The following GABRA2 variants were observed in gnomAD, a reference collection of about 807,000 sequenced individuals.
The protein encoded by GABRA2 is gamma-aminobutyric acid type A receptor subunit alpha2.
Under a neutral mutation model 48.7 loss-of-function variants are expected in GABRA2, and 16 were observed. The observed-to-expected ratio is 0.33, with a 90% confidence interval of 0.22 to 0.50. The LOEUF is 0.50. Ranked by LOEUF, GABRA2 falls within the 20% of genes least tolerant of loss-of-function variation. The pLI is 0.98. For synonymous variants in GABRA2, 185 were observed against 184.5 expected (o/e 1.00, Z -0.02); for missense variants, 275 against 535.6 (o/e 0.51, Z 4.80).
intron 8 of GABRA2, among the ~76,000 whole-genome samples, chr4:46,294,267 C>T (rs774015693): frequency 1.3e-5 from 2 of 152,194 alleles, no homozygotes; most frequent in South Asian, 2.1e-4. Context: ...ACTGAACTTG[C>T]TTGCATGCCA....
intron 6 of GABRA2, among the ~76,000 whole-genome samples, chr4:46,308,298 A>G (rs16859292): frequency 0.014 from 2,110 of 152,316 alleles, 53 homozygotes; most frequent in African/African-American, 0.048. Flanking sequence ...GACTGAATTT[A>G]AAATTGTAAG....
chr4:46,273,276 C>G (rs1211531155), intron 8 of GABRA2, among the ~76,000 whole-genome samples: 1 of 151,126 alleles, frequency 6.6e-6, no homozygotes, highest in Non-Finnish European at 1.5e-5. Flanking sequence ...TCTTAGTGTT[C>G]TCTGAGATTT....
intron 9 of GABRA2, among the ~76,000 whole-genome samples, chr4:46,252,507 G>C (rs200044730): frequency 4.0e-5 from 6 of 150,202 alleles, no homozygotes; most frequent in African/African-American, 1.5e-4. Context: ...GGCTAAAAAA[G>C]TTTTCTGACT....
intron 3 of GABRA2, among the ~76,000 whole-genome samples, chr4:46,384,794 C>T (rs554804498): frequency 5.9e-5 from 9 of 152,154 alleles, no homozygotes; most frequent in East Asian, 1.9e-4. Flanking sequence ...TCCTTATGTT[C>T]GTGCTTGTTA....
intron 8 of GABRA2, among the ~76,000 whole-genome samples, chr4:46,269,334 T>A (rs1331023074): frequency 6.6e-6 from 1 of 151,696 alleles, no homozygotes; most frequent in African/African-American, 2.4e-5. Flanking sequence ...CAATAGAGAA[T>A]AAAAAAGAAA....
At chr4:46,291,776 C>CATATAT (rs560142153) in intron 8 of GABRA2, among the ~76,000 whole-genome samples, 31,731 of 144,106 alleles carry the variant, frequency 0.22, 3,834 homozygotes, top group East Asian at 0.38. Context: ...TAAACACACA[C>CATATAT]ATATATATAT....
At chr4:46,280,015 A>G (rs528409469) in intron 8 of GABRA2, among the ~76,000 whole-genome samples, 1 of 152,130 alleles carries the variant, frequency 6.6e-6, no homozygotes, top group East Asian at 1.9e-4. Context: ...GGTACCTACT[A>G]CATGCCAGAC....
chr4:46,375,637 G>A (rs1482634337), intron 3 of GABRA2, among the ~76,000 whole-genome samples: 1 of 152,070 alleles, frequency 6.6e-6, no homozygotes, highest in African/African-American at 2.4e-5. Flanking sequence ...CTGCCTCACA[G>A]TAAATATACC....
At chr4:46,386,264 A>G in intron 2 of GABRA2, 75 bp from the exon 3 acceptor site, 1 of 882,560 alleles carries the variant, frequency 1.1e-6, no homozygotes, top group Non-Finnish European at 1.8e-6. Flanking sequence ...TTTCTTCCTT[A>G]ATTTAAATTT....
At chr4:46,267,486 T>C (rs1019809057) in intron 8 of GABRA2, among the ~76,000 whole-genome samples, 13 of 152,042 alleles carry the variant, frequency 8.6e-5, no homozygotes, top group African/African-American at 1.4e-4. Context: ...GATTTTTTTT[T>C]CCTGAAAATG....
At chr4:46,348,330 C>A (rs1386262930) in intron 3 of GABRA2, among the ~76,000 whole-genome samples, 1 of 151,944 alleles carries the variant, frequency 6.6e-6, no homozygotes, top group Non-Finnish European at 1.5e-5. Context: ...GTTGGTGGGA[C>A]TGTAAACTAG....
At chr4:46,326,000 A>G (rs1164917825) in intron 4 of GABRA2, among the ~76,000 whole-genome samples, 1 of 152,090 alleles carries the variant, frequency 6.6e-6, no homozygotes, top group African/African-American at 2.4e-5. Flanking sequence ...GAATCAGGGT[A>G]GTGTAATGCC....
intron 4 of GABRA2, among the ~76,000 whole-genome samples, chr4:46,313,953 C>A (rs544059004): frequency 6.6e-6 from 1 of 152,176 alleles, no homozygotes; most frequent in South Asian, 2.1e-4. Context: ...TCCCAGTGAT[C>A]CCTCAAAACT....
At chr4:46,284,095 A>T (rs1019377475) in intron 8 of GABRA2, among the ~76,000 whole-genome samples, 4 of 140,754 alleles carry the variant, frequency 2.8e-5, no homozygotes, top group African/African-American at 1.1e-4. Flanking sequence ...AAAAAAAAAA[A>T]CTCTGTTATA....
intron 3 of GABRA2, among the ~76,000 whole-genome samples, chr4:46,381,747 C>T (rs976580223): frequency 6.6e-6 from 1 of 152,168 alleles, no homozygotes; most frequent in Non-Finnish European, 1.5e-5. Context: ...TCACTCAAAT[C>T]ACACAGTTAG....
At chr4:46,310,643 C>A (rs938634307) in intron 5 of GABRA2, among the ~76,000 whole-genome samples, 1 of 152,012 alleles carries the variant, frequency 6.6e-6, no homozygotes, top group Non-Finnish European at 1.5e-5. Context: ...AAACACAGAG[C>A]AAAATTGATC....
chr4:46,265,397 A>AT (rs1717936094), intron 8 of GABRA2, among the ~76,000 whole-genome samples: 1 of 121,676 alleles, frequency 8.2e-6, no homozygotes, highest in African/African-American at 3.6e-5. Context: ...TATATATATA[A>AT]TATATTGTGT....
intron 3 of GABRA2, among the ~76,000 whole-genome samples, chr4:46,343,848 G>C (rs1025096752): frequency 1.3e-5 from 2 of 151,852 alleles, no homozygotes; most frequent in African/African-American, 2.4e-5. Flanking sequence ...GGAGTTCCAG[G>C]CTGTGAATGC....
chr4:46,310,820 A>C (rs1727520437), intron 5 of GABRA2, among the ~76,000 whole-genome samples: 1 of 152,204 alleles, frequency 6.6e-6, no homozygotes, highest in Admixed American at 6.5e-5. Context: ...TTGTTGGCTA[A>C]ATTATAAACA....
Sources: allele counts gnomAD v4.1 joint callset (sites outside exome capture counted in the v4.1 genomes callset), GRCh38; gene constraint gnomAD v4.1.1; transcripts MANE v1.5; gene names NCBI Gene and HGNC (gene_info 2026-07-23, HGNC 2026-07-21).